The following SOCS7 variants were observed in gnomAD, a reference collection of about 807,000 sequenced individuals.
The protein encoded by SOCS7 is suppressor of cytokine signaling 7.
A neutral mutation model predicts 58.9 loss-of-function variants in SOCS7; 18 were observed. The ratio of observed to expected loss-of-function variants is 0.31; its 90% CI spans 0.21 to 0.45. SOCS7 has a LOEUF of 0.45. Among genes scored for constraint, SOCS7 ranks in the 20% least tolerant of loss-of-function variants. The probability of loss-of-function intolerance (pLI) is 1.00; values close to 1 mark genes in which losing one functional copy is unlikely to be tolerated. For missense variants in SOCS7, 667 were observed against 837.3 expected (o/e 0.80, Z 2.51); for synonymous variants, 388 against 364.3 (o/e 1.06, Z -0.74).
At chr17:38,358,450 G>T (rs1437024139) in intron 1 of SOCS7, among the ~76,000 whole-genome samples, 1 of 152,010 alleles carries the variant, frequency 6.6e-6, no homozygotes, top group African/African-American at 2.4e-5. Flanking sequence ...ACAAATGTAG[G>T]TACCCATCAC....
At chr17:38,353,738 A>C (rs1352993762) in intron 1 of SOCS7, among the ~76,000 whole-genome samples, 1 of 152,240 alleles carries the variant, frequency 6.6e-6, no homozygotes, top group African/African-American at 2.4e-5. Flanking sequence ...CCCCATCTCT[A>C]CAAAACAAAC....
rs1254858349 is a variant in SOCS7 at position 38,404,940 on chromosome 17, C to T, written c.*5458C>T. 1 of 152,144 alleles carries T rather than the reference C, an allele frequency of 6.6e-6. No homozygotes were observed. The highest frequency in any genetic ancestry group is 2.4e-5 in the African/African-American group (1 of 41,424). 9.4% of individuals were successfully genotyped at this position (152,144 alleles called of 1,614,324 possible). A position where few individuals can be genotyped will look rare whatever the true frequency, so the allele number is the denominator to read the frequency against. ...TACGTTTTTGGTTGTTTTTAAGAAA[C>T]TCGATGAAGAGGGGTGTCATTCTGG... On this transcript the variant is annotated 3_prime_UTR_variant, in exon 10 of 10. Coordinates refer to ENST00000612932, the MANE Select transcript of SOCS7 (RefSeq NM_014598.4).
chr17:38,384,891 C>CTTTTTT, intron 7 of SOCS7, among the ~76,000 whole-genome samples: 1 of 76,666 alleles, frequency 1.3e-5, no homozygotes, highest in Non-Finnish European at 2.4e-5. Context: ...GCACCCAGCT[C>CTTTTTT]TTTTTTTTTT....
At chr17:38,356,825 A>T (rs2037646594) in intron 1 of SOCS7, among the ~76,000 whole-genome samples, 1 of 152,226 alleles carries the variant, frequency 6.6e-6, no homozygotes, top group Non-Finnish European at 1.5e-5. Context: ...GTAATCTAGC[A>T]TTGCTATTTC....
chr17:38,386,354 C>T (rs1022499883), intron 7 of SOCS7, among the ~76,000 whole-genome samples: 1 of 132,056 alleles, frequency 7.6e-6, no homozygotes, highest in Non-Finnish European at 1.6e-5. Context: ...AAAAATTAGC[C>T]AGGTGGCCGA....
intron 1 of SOCS7, among the ~76,000 whole-genome samples, chr17:38,357,257 A>G (rs1227992842): frequency 2.0e-5 from 3 of 152,226 alleles, no homozygotes; most frequent in Non-Finnish European, 4.4e-5. Flanking sequence ...GAGTAATAGC[A>G]TGACATGCTG....
At chr17:38,353,465 A>G (rs536809609) in intron 1 of SOCS7, among the ~76,000 whole-genome samples, 31 of 152,352 alleles carry the variant, frequency 2.0e-4, no homozygotes, top group Admixed American at 7.8e-4. Flanking sequence ...ACACTCATGC[A>G]TGCAAATGAC....
intron 1 of SOCS7, among the ~76,000 whole-genome samples, chr17:38,361,330 C>G (rs909104341): frequency 1.3e-5 from 2 of 152,268 alleles, no homozygotes; most frequent in African/African-American, 4.8e-5. Context: ...TTGCTCTGAG[C>G]TGGTGCCTGT....
At position 38,399,936 on chromosome 17, in the gene SOCS7, G is replaced by C. The variant is rs2038297502; in HGVS notation, c.*454G>C. ...AGCTGGTGCCAAAGGCAGAGTTAGAGTCTGTGCTGTGGGCCTGGAAGATGG... is the reference window on the plus strand; with the variant it reads ...AGCTGGTGCCAAAGGCAGAGTTAGACTCTGTGCTGTGGGCCTGGAAGATGG... On this transcript the variant is annotated 3_prime_UTR_variant, in exon 10 of 10. Transcript: ENST00000612932. 1 of 152,418 alleles carries C rather than the reference G, an allele frequency of 6.6e-6. No homozygotes were observed. Among genetic ancestry groups the C allele is most frequent in the East Asian group, 1.9e-4 (1 of 5,198 alleles). The allele number at this position is 152,418 out of a possible 1,614,324, so 9.4% of individuals were successfully genotyped here. A position where few individuals can be genotyped will look rare whatever the true frequency, so the allele number is the denominator to read the frequency against.
At chr17:38,370,270 T>G (rs1356797373) in intron 6 of SOCS7, among the ~76,000 whole-genome samples, 1 of 152,210 alleles carries the variant, frequency 6.6e-6, no homozygotes, top group Non-Finnish European at 1.5e-5. Context: ...AGTGCTGGGA[T>G]GACACGCGTG....
In SOCS7 at chr17:38,377,853, A is replaced by C; in HGVS notation, c.1681+11A>C. On this transcript the variant is annotated intron_variant, in intron 7 of 9. Transcript: ENST00000612932. ...GATCCAGGGTTCCAGGTAAGGCTGTACTTCTGTTAATTATTTAACTTAAGT... is the reference window on the plus strand; with the variant it reads ...GATCCAGGGTTCCAGGTAAGGCTGTCCTTCTGTTAATTATTTAACTTAAGT... The C allele has an allele frequency of 6.2e-7, 1 of 1,607,574 alleles. No homozygotes were observed. Among genetic ancestry groups the C allele is most frequent in the Non-Finnish European group, 8.5e-7 (1 of 1,178,222 alleles).
chr17:38,393,977 T>C (rs2038211123), intron 7 of SOCS7, among the ~76,000 whole-genome samples: 1 of 152,268 alleles, frequency 6.6e-6, no homozygotes, highest in Non-Finnish European at 1.5e-5. Context: ...TCCAATCAGT[T>C]GTGTCTATAG....
chr17:38,357,958 A>G (rs2037662123), intron 1 of SOCS7, among the ~76,000 whole-genome samples: 1 of 152,220 alleles, frequency 6.6e-6, no homozygotes, highest in African/African-American at 2.4e-5. Flanking sequence ...CCTTTATCCC[A>G]TAAATCTGTT....
chr17:38,394,729 C>G (rs1439261278), intron 7 of SOCS7, among the ~76,000 whole-genome samples: 1 of 152,282 alleles, frequency 6.6e-6, no homozygotes, highest in Non-Finnish European at 1.5e-5. Flanking sequence ...TGGGCTACTC[C>G]GAGGAGCAGG....
chr17:38,383,294 G>A (rs2144371923), intron 7 of SOCS7, among the ~76,000 whole-genome samples: 1 of 152,238 alleles, frequency 6.6e-6, no homozygotes, highest in South Asian at 2.1e-4. Flanking sequence ...AAATATTTAA[G>A]ACAATGCCTG....
At chr17:38,357,004 A>C (rs1028479834) in intron 1 of SOCS7, among the ~76,000 whole-genome samples, 1 of 152,238 alleles carries the variant, frequency 6.6e-6, no homozygotes, top group Non-Finnish European at 1.5e-5. Flanking sequence ...TTTTTTACCA[A>C]GTTAACAGAT....
At chr17:38,366,207 C>T in intron 4 of SOCS7, 80 bp from the exon 5 acceptor site, 1 of 1,558,124 alleles carries the variant, frequency 6.4e-7, no homozygotes, top group Non-Finnish European at 8.7e-7. Context: ...CAGTTAGCAT[C>T]CTCTGTTTTT....
chr17:38,372,350 C>A (rs2037878633), intron 6 of SOCS7, among the ~76,000 whole-genome samples: 1 of 152,166 alleles, frequency 6.6e-6, no homozygotes, highest in Non-Finnish European at 1.5e-5. Flanking sequence ...GCACCATTCA[C>A]TGTTGAGAGA....
intron 1 of SOCS7, among the ~76,000 whole-genome samples, chr17:38,357,872 G>T (rs1257030721): frequency 6.6e-6 from 1 of 152,132 alleles, no homozygotes; most frequent in South Asian, 2.1e-4. Context: ...TTTTATTTTA[G>T]GTTTCAAGGA....
Sources: allele counts gnomAD v4.1 joint callset (sites outside exome capture counted in the v4.1 genomes callset), GRCh38; gene constraint gnomAD v4.1.1; transcripts MANE v1.5; gene names NCBI Gene and HGNC (gene_info 2026-07-23, HGNC 2026-07-21).